Variants in GSAP observed in about 807,000 individuals in gnomAD.
The protein encoded by GSAP is gamma-secretase activating protein, also known as gamma-secretase-activating protein.
In GSAP, 118 loss-of-function variants were observed where a neutral mutation model predicts 131.7. That is an observed-to-expected ratio of 0.90 (90% CI 0.77 to 1.04). The LOEUF (loss-of-function observed/expected upper bound fraction) is 1.04, where lower values mean the gene tolerates loss of function less well. Among genes scored for constraint, GSAP ranks in the 50% least tolerant of loss-of-function variants. The pLI is 0.00. For missense variants in GSAP, 1,019 were observed against 1,013.2 expected (o/e 1.01, Z -0.08); for synonymous variants, 381 against 363.4 (o/e 1.05, Z -0.55).
intron 12 of GSAP, among the ~76,000 whole-genome samples, chr7:77,365,864 T>C (rs1422643746): frequency 1.3e-5 from 2 of 151,708 alleles, no homozygotes; most frequent in Non-Finnish European, 2.9e-5. Context: ...GTATAAGTCT[T>C]CCCTTTTCTC....
At chr7:77,387,964 G>A (rs955821201) in intron 5 of GSAP, among the ~76,000 whole-genome samples, 1 of 152,168 alleles carries the variant, frequency 6.6e-6, no homozygotes, top group Non-Finnish European at 1.5e-5. Flanking sequence ...GGTTTCTAAT[G>A]GATATCATTT....
chr7:77,386,254 A>G (rs990849377), intron 6 of GSAP, among the ~76,000 whole-genome samples: 1 of 152,242 alleles, frequency 6.6e-6, no homozygotes, highest in Non-Finnish European at 1.5e-5. Flanking sequence ...AGAACACTTC[A>G]TAGTCCACTT....
intron 19 of GSAP, among the ~76,000 whole-genome samples, chr7:77,346,771 C>T (rs1232067259): frequency 2.0e-5 from 3 of 151,898 alleles, no homozygotes; most frequent in Non-Finnish European, 4.4e-5. Context: ...TATTAATTTT[C>T]ATCCACCCAC....
At chr7:77,387,333 T>G (rs1798720887) in intron 6 of GSAP, 27 bp downstream of exon 6, 1 of 1,119,150 alleles carries the variant, frequency 8.9e-7, no homozygotes, top group African/African-American at 1.5e-5. Flanking sequence ...ATTAATGAGA[T>G]AAGTGATAAA....
chr7:77,377,506 C>A, intron 8 of GSAP, 116 bp from the exon 9 acceptor site: 1 of 1,249,188 alleles, frequency 8.0e-7, no homozygotes, highest in South Asian at 2.0e-5. Context: ...TAAATATTTC[C>A]ACAGTTCACT....
At chr7:77,397,142 C>T (rs529790997) in intron 4 of GSAP, 107 bp from the exon 5 acceptor site, 10 of 769,070 alleles carry the variant, frequency 1.3e-5, no homozygotes, top group South Asian at 8.4e-5. Context: ...GATATGTCAA[C>T]GGAAGATAAG....
intron 29 of GSAP, 68 bp from the exon 30 acceptor site, chr7:77,312,008 T>G (rs1005123275): frequency 8.3e-7 from 1 of 1,199,786 alleles, no homozygotes; most frequent in Non-Finnish European, 1.2e-6. Context: ...AATAAAGTGA[T>G]AAGAACTGTA....
intron 22 of GSAP, 168 bp from the exon 23 acceptor site, chr7:77,326,441 T>A: frequency 1.9e-6 from 1 of 536,406 alleles, no homozygotes; most frequent in Non-Finnish European, 3.3e-6. Context: ...GGTGAACTTA[T>A]CAGAGCTGTG....
At chr7:77,370,264 C>A (rs1223230450) in intron 12 of GSAP, among the ~76,000 whole-genome samples, 3 of 152,162 alleles carry the variant, frequency 2.0e-5, no homozygotes. Context: ...TCGAGACCAG[C>A]GTGGCCAACA....
intron 17 of GSAP, among the ~76,000 whole-genome samples, 184 bp from the exon 18 acceptor site, chr7:77,353,210 T>C (rs796335491): frequency 2.6e-5 from 4 of 152,250 alleles, no homozygotes; most frequent in African/African-American, 9.6e-5. Context: ...CTTTTTACAA[T>C]GAGAAGAATA....
At chr7:77,364,862 A>G (rs780101593) in intron 12 of GSAP, among the ~76,000 whole-genome samples, 5 of 152,220 alleles carry the variant, frequency 3.3e-5, no homozygotes, top group Admixed American at 6.5e-5. Flanking sequence ...ATCCAACAGA[A>G]CTGTCTTTGA....
At position 77,329,337 on chromosome 7, in the gene GSAP, C is replaced by T; in HGVS notation, c.1729G>A (p.Val577Ile). Reference sequence around the variant, plus strand: ...ATAACCTCTGCTTTCACTTACTTTACTGCATTATCAAGAATATTCCTCACG... The same window carrying T: ...ATAACCTCTGCTTTCACTTACTTTATTGCATTATCAAGAATATTCCTCACG... Reference protein sequence around the residue: ...AYVRNILDNAVKVISNLEARN... With the variant: ...AYVRNILDNAIKVISNLEARN... The change falls in exon 21 of 31, where the codon GTA (valine) becomes ATA (isoleucine). Residue 577 changes from valine (V) to isoleucine (I), a missense_variant. Physicochemically the swap from Val to Ile is conservative, Grantham distance 29. Transcript: ENST00000257626. The T allele has an allele frequency of 3.9e-6, 6 of 1,555,120 alleles. No individual in the cohort carries two copies. Among genetic ancestry groups the T allele is most frequent in the Non-Finnish European group, 5.3e-6 (6 of 1,141,666 alleles).
At chr7:77,319,776 C>G (rs1787378385) in intron 26 of GSAP, among the ~76,000 whole-genome samples, 1 of 152,114 alleles carries the variant, frequency 6.6e-6, no homozygotes. Flanking sequence ...GTGAAACAAG[C>G]CAGTCACAGG....
chr7:77,390,564 T>C (rs1258333006), intron 5 of GSAP, among the ~76,000 whole-genome samples: 1 of 152,064 alleles, frequency 6.6e-6, no homozygotes. Context: ...TTTCTTCTTT[T>C]TGTCAGGTTT....
intron 6 of GSAP, among the ~76,000 whole-genome samples, chr7:77,384,097 T>C (rs371472579): frequency 2.9e-4 from 44 of 152,364 alleles, no homozygotes; most frequent in Middle Eastern, 3.4e-3. Context: ...ATACTTTGTA[T>C]ACCAGAGTTG....
chr7:77,316,855 T>G (rs543411169), intron 26 of GSAP, among the ~76,000 whole-genome samples: 4 of 152,320 alleles, frequency 2.6e-5, no homozygotes, highest in Admixed American at 2.6e-4. Flanking sequence ...GCTCCTGGCC[T>G]CCTCTAGCCA....
intron 27 of GSAP, 97 bp from the exon 28 acceptor site, chr7:77,313,646 A>G (rs1270269861): frequency 1.6e-6 from 1 of 615,734 alleles, no homozygotes; most frequent in Admixed American, 2.9e-5. Flanking sequence ...TTGATAGGAC[A>G]TATCCCAACT....
intron 12 of GSAP, among the ~76,000 whole-genome samples, chr7:77,369,740 C>T (rs112716373): frequency 3.5e-4 from 54 of 152,258 alleles, no homozygotes; most frequent in African/African-American, 1.3e-3. Flanking sequence ...CTTCCTTCTC[C>T]TATCCTATTT....
intron 1 of GSAP, chr7:77,415,441 CA>C (rs1804183013): frequency 6.6e-6 from 1 of 152,234 alleles, no homozygotes; most frequent in South Asian, 2.1e-4. Context: ...TAAGAAATCA[CA>C]AAGTTCCCCT....
Sources: gnomAD v4.1 joint callset for allele counts (sites outside exome capture counted in the v4.1 genomes callset) on GRCh38, gnomAD v4.1.1 for gene constraint, MANE v1.5 for transcripts, NCBI Gene and HGNC (gene_info 2026-07-23, HGNC 2026-07-21) for gene names.